C4orf36: variants seen among roughly 807,000 people sequenced by gnomAD.
C4orf36 encodes uncharacterized protein C4orf36.
In C4orf36, 11 loss-of-function variants were observed where a neutral mutation model predicts 12.2. The ratio of observed to expected loss-of-function variants is 0.90; its 90% CI spans 0.57 to 1.49. The LOEUF is 1.49. Ranked by LOEUF, C4orf36 falls within the 40% of genes most tolerant of loss-of-function variation. The pLI is 0.00. For synonymous variants in C4orf36, 54 were observed against 51.3 expected (o/e 1.05, Z -0.22); for missense variants, 137 against 133.9 (o/e 1.02, Z -0.11).
rs769944907 is a variant in C4orf36, at chr4:86,887,871, A to G, written c.243T>C (p.Tyr81=). The G allele has an allele frequency of 1.2e-6, 2 of 1,614,136 alleles. No individual in the cohort carries two copies. Among genetic ancestry groups the G allele is most frequent in the Non-Finnish European group, 1.7e-6 (2 of 1,180,020 alleles). Residue 81 remains tyrosine, a synonymous_variant, in exon 4 of 5, where the codon TAT becomes TAC. Transcript: ENST00000295898. ...SAESIKLERE[Y]EVKRLCKLKC... ...TCAGTTTACAAAGACGCTTCACTTC[A>G]TACTCCCTTTCGAGTTTGATAGCTG...
chr4:86,910,510 A>G, the C4orf36 span, among the ~76,000 whole-genome samples: 1 of 152,218 alleles, frequency 6.6e-6, no homozygotes, highest in Non-Finnish European at 1.5e-5. Context: ...GACCTAGGGA[A>G]AGTGCTTAGG....
At chr4:86,909,836 G>GT in the C4orf36 span, among the ~76,000 whole-genome samples, 1 of 139,056 alleles carries the variant, frequency 7.2e-6, no homozygotes, top group Non-Finnish European at 1.5e-5. Context: ...AAGATTGAGC[G>GT]TAATTCCTTA....
At chr4:86,917,990 T>C in the C4orf36 span, among the ~76,000 whole-genome samples, 29 of 152,388 alleles carry the variant, frequency 1.9e-4, no homozygotes, top group Non-Finnish European at 3.7e-4. Flanking sequence ...TATGTCATTA[T>C]GCAATGCAAG....
the C4orf36 span, among the ~76,000 whole-genome samples, chr4:86,901,103 G>A: frequency 2.0e-5 from 3 of 151,606 alleles, no homozygotes; most frequent in East Asian, 1.9e-4. Flanking sequence ...TCGCGCTTCA[G>A]CCTCCCAAGT....
the C4orf36 span, among the ~76,000 whole-genome samples, chr4:86,931,324 C>A: frequency 2.6e-5 from 4 of 152,174 alleles, no homozygotes; most frequent in Admixed American, 1.3e-4. Flanking sequence ...TTTTTCATCC[C>A]TCCTCAGTGC....
the C4orf36 span, among the ~76,000 whole-genome samples, chr4:86,911,010 G>A: frequency 6.6e-6 from 1 of 152,188 alleles, no homozygotes; most frequent in Non-Finnish European, 1.5e-5. Flanking sequence ...TTGAACCTGG[G>A]AGGCAGAAGT....
chr4:86,910,520 G>T, the C4orf36 span, among the ~76,000 whole-genome samples: 1 of 152,216 alleles, frequency 6.6e-6, no homozygotes, highest in Non-Finnish European at 1.5e-5. Flanking sequence ...AAGTGCTTAG[G>T]TAGAAATGTG....
At chr4:86,882,197 A>G (rs1747067857) in intron 4 of C4orf36, among the ~76,000 whole-genome samples, 1 of 152,258 alleles carries the variant, frequency 6.6e-6, no homozygotes, top group South Asian at 2.1e-4. Context: ...AGAGAATCTT[A>G]AAGCTGGAAG....
At chr4:86,912,400 A>G in the C4orf36 span, among the ~76,000 whole-genome samples, 1 of 152,204 alleles carries the variant, frequency 6.6e-6, no homozygotes, top group South Asian at 2.1e-4. Flanking sequence ...TTGCCCATAC[A>G]TCATTTAGCT....
chr4:86,931,444 G>C, the C4orf36 span, among the ~76,000 whole-genome samples: 1 of 151,964 alleles, frequency 6.6e-6, no homozygotes, highest in Non-Finnish European at 1.5e-5. Context: ...TGTCACCCAG[G>C]CTGGAGTGCA....
At chr4:86,919,594 G>A in the C4orf36 span, among the ~76,000 whole-genome samples, 14 of 151,978 alleles carry the variant, frequency 9.2e-5, no homozygotes, top group South Asian at 1.0e-3. Flanking sequence ...CAAAGTGCTC[G>A]GATTACAGGC....
the C4orf36 span, among the ~76,000 whole-genome samples, chr4:86,903,416 G>T: frequency 2.6e-5 from 4 of 152,172 alleles, no homozygotes; most frequent in African/African-American, 9.7e-5. Flanking sequence ...TAATCAGTCG[G>T]TTCTTGGTCT....
chr4:86,889,156 C>T (rs546905189), intron 2 of C4orf36, among the ~76,000 whole-genome samples: 135 of 152,116 alleles, frequency 8.9e-4, no homozygotes, highest in Non-Finnish European at 1.7e-3. Flanking sequence ...TCAAGACCAG[C>T]CTGGCCAACA....
intron 2 of C4orf36, 96 bp downstream of exon 2, chr4:86,891,360 T>C (rs1747405739): frequency 3.6e-6 from 4 of 1,124,438 alleles, no homozygotes; most frequent in African/African-American, 3.1e-5. Flanking sequence ...CAGTATCTCA[T>C]GGGGAGCACA....
chr4:86,880,363 A>C (rs778044228), intron 4 of C4orf36, among the ~76,000 whole-genome samples: 26 of 152,318 alleles, frequency 1.7e-4, no homozygotes, highest in Admixed American at 3.9e-4. Flanking sequence ...CATGAGGCAG[A>C]GAATTGCTTG....
At chr4:86,930,812 T>C in the C4orf36 span, among the ~76,000 whole-genome samples, 1 of 152,176 alleles carries the variant, frequency 6.6e-6, no homozygotes, top group South Asian at 2.1e-4. Flanking sequence ...TCACTAGGAA[T>C]CACGTTTTCT....
the C4orf36 span, among the ~76,000 whole-genome samples, chr4:86,904,653 A>G: frequency 6.6e-5 from 10 of 151,736 alleles, 1 homozygote; most frequent in South Asian, 2.1e-3. Context: ...CGCCTACTCA[A>G]AAGGCTGAGG....
the C4orf36 span, among the ~76,000 whole-genome samples, chr4:86,918,821 G>A: frequency 6.8e-6 from 1 of 146,130 alleles, no homozygotes; most frequent in Non-Finnish European, 1.5e-5. Context: ...GTGTGTGTGT[G>A]TGTGTGTGTG....
chr4:86,893,204 G>A (rs1747496516), upstream of C4orf36, among the ~76,000 whole-genome samples: 1 of 152,192 alleles, frequency 6.6e-6, no homozygotes, highest in Non-Finnish European at 1.5e-5. Flanking sequence ...TGGAGCCGAC[G>A]AATGAGTTCA....
Sources: allele counts gnomAD v4.1 joint callset (sites outside exome capture counted in the v4.1 genomes callset), GRCh38; gene constraint gnomAD v4.1.1; transcripts MANE v1.5; gene names NCBI Gene and HGNC (gene_info 2026-07-23, HGNC 2026-07-21).